The following TM7SF3 variants were observed in gnomAD, a reference collection of about 807,000 sequenced individuals.
TM7SF3 encodes transmembrane 7 superfamily member 3.
A neutral mutation model predicts 65.5 loss-of-function variants in TM7SF3; 60 were observed. The ratio of observed to expected loss-of-function variants is 0.92; its 90% CI spans 0.74 to 1.14. TM7SF3 has a LOEUF of 1.14. Among genes scored for constraint, TM7SF3 ranks in the 50% most tolerant of loss-of-function variants. TM7SF3 has a pLI of 0.00. For missense variants in TM7SF3, 623 were observed against 684.8 expected (o/e 0.91, Z 1.01); for synonymous variants, 264 against 259.6 (o/e 1.02, Z -0.16).
intron 6 of TM7SF3, among the ~76,000 whole-genome samples, chr12:26,989,149 A>G (rs1940230866): frequency 6.6e-6 from 1 of 152,128 alleles, no homozygotes. Context: ...TCAAAGTTAT[A>G]CACGGGTGGG....
intron 3 of TM7SF3, among the ~76,000 whole-genome samples, chr12:26,997,608 C>A (rs939650114): frequency 6.6e-6 from 1 of 151,900 alleles, no homozygotes; most frequent in Admixed American, 6.6e-5. Context: ...CTTCTGGATT[C>A]TCCCTCCTTT....
chr12:26,995,213 A>G lies in TM7SF3; in HGVS notation c.690+24T>C, dbSNP rs759684800. 13 of 1,601,290 alleles carry G rather than the reference A, an allele frequency of 8.1e-6. No individual in the cohort carries two copies. In the South Asian group the frequency reaches 1.3e-4, roughly 16 times the overall value. On this transcript the variant is annotated intron_variant, in intron 5 of 11. Transcript: ENST00000343028. The stretch of plus-strand genomic sequence containing the variant: ...GACAAAGGTGTCACAATCCAGCCAC[A>G]CAAATCATGGGACTCAGATTTACCT...
intron 2 of TM7SF3, among the ~76,000 whole-genome samples, chr12:27,000,228 C>T (rs1051917596): frequency 2.0e-5 from 3 of 152,156 alleles, no homozygotes; most frequent in African/African-American, 7.2e-5. Context: ...TTTGTGAAGA[C>T]ACAAACATTC....
At chr12:27,012,267 T>A (rs1231614788) in intron 1 of TM7SF3, among the ~76,000 whole-genome samples, 1 of 152,084 alleles carries the variant, frequency 6.6e-6, no homozygotes, top group Non-Finnish European at 1.5e-5. Flanking sequence ...GATCATTACA[T>A]TGTAGGGTGG....
At position 27,014,297 on chromosome 12, in the gene TM7SF3, G is replaced by T; in HGVS notation, c.-129C>A. On this transcript the variant is annotated 5_prime_UTR_variant, in exon 1 of 12. It adds an upstream start codon to the 5' untranslated region. Transcript: ENST00000343028. ...CGGGCGCCATCGCCCGCCAGGTGCA[G>T]ACGCTTCGCACCTGCCAGCTCCGCA... is the stretch of plus-strand genomic sequence containing the variant. The T allele has an allele frequency of 1.4e-6, 1 of 719,920 alleles. No individual in the cohort carries two copies. Among genetic ancestry groups the T allele is most frequent in the Non-Finnish European group, 2.1e-6 (1 of 480,636 alleles). The allele number at this position is 719,920 out of a possible 1,614,324, so 44.6% of individuals were successfully genotyped here.
rs1260186277 is a variant in TM7SF3 at position 26,999,519 on chromosome 12, G to A, written c.397+7C>T. ...GAGTAAGAGGGAGGAGAAGACAGAA[G>A]GGTTACCTCTTTCTGAGTAGGAGAG... On this transcript the variant is annotated splice_region_variant and intron_variant, in intron 3 of 11. Transcript: ENST00000343028. The A allele has an allele frequency of 1.2e-6, 2 of 1,613,730 alleles. No homozygotes were observed. Among genetic ancestry groups the A allele is most frequent in the East Asian group, 4.5e-5 (2 of 44,884 alleles).
intron 3 of TM7SF3, among the ~76,000 whole-genome samples, chr12:26,998,522 C>A (rs953440203): frequency 6.6e-6 from 1 of 152,204 alleles, no homozygotes; most frequent in Non-Finnish European, 1.5e-5. Flanking sequence ...TGTTCCTACA[C>A]CTATTTTGTA....
intron 2 of TM7SF3, among the ~76,000 whole-genome samples, chr12:27,000,491 G>A (rs1046503680): frequency 5.9e-5 from 9 of 151,714 alleles, no homozygotes; most frequent in African/African-American, 1.5e-4. Context: ...ATGGAGTCTC[G>A]CTCTGTCACC....
intron 6 of TM7SF3, 32 bp from the exon 7 acceptor site, chr12:26,982,891 C>T (rs1307905695): frequency 4.2e-6 from 6 of 1,440,222 alleles, no homozygotes; most frequent in Non-Finnish European, 3.8e-6. Context: ...GTGGATAATA[C>T]ATCCAATTTG....
chr12:26,982,925 A>G (rs1939879435), intron 6 of TM7SF3, 66 bp from the exon 7 acceptor site: 2 of 1,163,990 alleles, frequency 1.7e-6, no homozygotes, highest in African/African-American at 3.1e-5. Context: ...ATATTTATAG[A>G]ACGAACCTTC....
chr12:27,009,099 G>A (rs151038632), intron 1 of TM7SF3, among the ~76,000 whole-genome samples: 14 of 152,272 alleles, frequency 9.2e-5, no homozygotes, highest in Non-Finnish European at 2.1e-4. Context: ...TTTGCTTCTA[G>A]AGTCTCAATT....
In TM7SF3 at chr12:27,003,287, A is replaced by G. The variant is rs1940905936; in HGVS notation, c.195T>C (p.Leu65=). 3 of 1,613,568 alleles carry G rather than the reference A, an allele frequency of 1.9e-6. No individual in the cohort carries two copies. The highest frequency in any genetic ancestry group is 2.5e-6 in the Non-Finnish European group (3 of 1,179,666). Reference sequence around the variant, plus strand: ...GATACTGTGAGTGTATTTGGAAAATAAGAAAAGTCACATTGCTTGAAATAT... The same window carrying G: ...GATACTGTGAGTGTATTTGGAAAATGAGAAAAGTCACATTGCTTGAAATAT... ...LHDISSNVTF[L]IFQIHSQYQN... The change falls in exon 2 of 12, where the codon CTT becomes CTC. Residue 65 remains leucine, a synonymous_variant. Coordinates refer to ENST00000343028, the MANE Select transcript of TM7SF3 (RefSeq NM_016551.3).
chr12:26,974,618 G>A (rs969705959), intron 11 of TM7SF3, among the ~76,000 whole-genome samples: 4 of 152,050 alleles, frequency 2.6e-5, no homozygotes, highest in Admixed American at 2.0e-4. Flanking sequence ...ATTCCACCAC[G>A]CTCATTTCTT....
chr12:26,985,845 G>C (rs185980654), intron 6 of TM7SF3, among the ~76,000 whole-genome samples: 1,070 of 93,266 alleles, frequency 0.011, 24 homozygotes, highest in East Asian at 0.1. Context: ...ACAGAGTCTC[G>C]CTCTGCCGCC....
chr12:26,979,734 T>C, intron 9 of TM7SF3, 50 bp downstream of exon 9: 1 of 1,598,882 alleles, frequency 6.3e-7, no homozygotes, highest in Non-Finnish European at 8.5e-7. Flanking sequence ...AATTAGGCAG[T>C]ATTCAAACAG....
chr12:26,976,484 T>C (rs1451377673), intron 9 of TM7SF3, 127 bp from the exon 10 acceptor site: 1 of 639,468 alleles, frequency 1.6e-6, no homozygotes, highest in Non-Finnish European at 2.8e-6. Context: ...TGTTGGCAAC[T>C]AGAAATGAAT....
chr12:27,000,552 C>T (rs760622249), intron 2 of TM7SF3, among the ~76,000 whole-genome samples: 14 of 152,262 alleles, frequency 9.2e-5, no homozygotes, highest in South Asian at 6.2e-4. Context: ...CTCCGCCTCC[C>T]GGGTTCACGC....
At chr12:26,996,467 A>G (rs1205966094) in intron 4 of TM7SF3, among the ~76,000 whole-genome samples, 1 of 152,266 alleles carries the variant, frequency 6.6e-6, no homozygotes, top group African/African-American at 2.4e-5. Flanking sequence ...CTATATTTAA[A>G]GTGCTTTATA....
intron 1 of TM7SF3, among the ~76,000 whole-genome samples, chr12:27,011,090 C>G (rs966655304): frequency 6.6e-6 from 1 of 152,162 alleles, no homozygotes; most frequent in Non-Finnish European, 1.5e-5. Context: ...AGCAGTCAAC[C>G]GCCCCTCCCA....
Sources: allele counts gnomAD v4.1 joint callset (sites outside exome capture counted in the v4.1 genomes callset), GRCh38; gene constraint gnomAD v4.1.1; transcripts MANE v1.5; gene names NCBI Gene and HGNC (gene_info 2026-07-23, HGNC 2026-07-21).